Variants in SLC38A10 observed in about 807,000 individuals in gnomAD.
SLC38A10 encodes solute carrier family 38 member 10, also known as Sodium-coupled neutral amino acid transporter 10.
SLC38A10 carries 53 observed loss-of-function variants against 81.0 expected under a neutral mutation model. That is an observed-to-expected ratio of 0.65 (90% CI 0.53 to 0.82). SLC38A10 has a LOEUF of 0.82. SLC38A10 is among the 40% of genes least tolerant of loss of function. The pLI is 0.00. For missense variants in SLC38A10, 1,471 were observed against 1,545.0 expected (o/e 0.95, Z 0.80); for synonymous variants, 665 against 655.3 (o/e 1.01, Z -0.23).
At chr17:81,293,325 C>T (rs1490220676) in intron 1 of SLC38A10, among the ~76,000 whole-genome samples, 10 of 152,234 alleles carry the variant, frequency 6.6e-5, no homozygotes, top group Admixed American at 1.3e-4. Context: ...GGATTCTCCA[C>T]GCCCAGACCA....
At position 81,260,341 on chromosome 17, in the gene SLC38A10, C is replaced by T. The variant is rs2063010702; in HGVS notation, c.1185G>A (p.Leu395=). 1 of 1,610,492 alleles carries T rather than the reference C, an allele frequency of 6.2e-7. No homozygotes were observed. The highest frequency in any genetic ancestry group is 8.5e-7 in the Non-Finnish European group (1 of 1,179,056). The change falls in exon 11 of 16, where the codon CTG becomes CTA. Residue 395 remains leucine (L), a synonymous_variant. Transcript: ENST00000374759. ...GVLVVSTVTT[L]SVSEEVPEDL... ...CCTCGGGGACCTCCTCGCTCACAGA[C>T]AGTGTGGTGACAGTGCTCACCACCA... is the stretch of plus-strand genomic sequence containing the variant.
Position 81,246,625 on chromosome 17 carries a change from G to A in SLC38A10, c.2291C>T (p.Ala764Val), listed in dbSNP as rs755936311. 1.3e-6 allele frequency: 2 copies of A among 1,514,192 alleles called. No homozygotes were observed. The highest frequency in any genetic ancestry group is 1.8e-6 in the Non-Finnish European group (2 of 1,134,514). The allele number at this position is 1,514,192 out of a possible 1,614,324, so 93.8% of individuals were successfully genotyped here. A position where few individuals can be genotyped will look rare whatever the true frequency, so the allele number is the denominator to read the frequency against. ...PGAAVPRGQE[A>V]PEGKARETVE... ...CGTCTCCCTGGCCTTGCCTTCAGGG[G>A]CCTCCTGGCCTCTGGGCACCGCTGC... Residue 764 changes from alanine to valine, a missense_variant, in exon 16 of 16, where the codon GCC becomes GTC. By Grantham distance (64) the Ala-to-Val change is moderately conservative. Around this residue, in one of 2 missense-constraint regions of SLC38A10, gnomAD observed 751 missense variants for 717.4 expected, o/e 1.05. Transcript: ENST00000374759.
intron 8 of SLC38A10, among the ~76,000 whole-genome samples, chr17:81,273,285 C>T (rs184373965): frequency 6.6e-6 from 1 of 152,300 alleles, no homozygotes; most frequent in African/African-American, 2.4e-5. Context: ...GCCTCAGACG[C>T]CACCTGCCCC....
intron 10 of SLC38A10, chr17:81,263,842 AGT>A (rs1297348598): frequency 1.3e-5 from 2 of 152,448 alleles, no homozygotes; most frequent in African/African-American, 2.4e-5. Flanking sequence ...ACGTGCCAGG[AGT>A]GTGTGTGAGC....
intron 6 of SLC38A10, 25 bp downstream of exon 6, chr17:81,280,584 C>T: frequency 6.2e-7 from 1 of 1,612,270 alleles, no homozygotes; most frequent in Non-Finnish European, 8.5e-7. Flanking sequence ...CAGAACTCCA[C>T]CACAGACCAC....
At position 81,283,632 on chromosome 17, in the gene SLC38A10, G is replaced by T. The variant is rs201867608; in HGVS notation, c.264-130C>A. The stretch of plus-strand genomic sequence containing the variant: ...TTTCTTTTTTCTTTTTTTTTTTTTT[G>T]AAACAGAGTCTCACTCTGTCGCCCA... On this transcript the variant is annotated intron_variant, in intron 3 of 15. Coordinates refer to ENST00000374759, the MANE Select transcript of SLC38A10 (RefSeq NM_001037984.3). The surrounding 1 kb of genome is among the most constrained non-coding windows in gnomAD (Gnocchi z 4.7). 0.072 allele frequency: 36,406 copies of T among 503,148 alleles called. 640 individuals carry two copies. Among genetic ancestry groups the T allele is most frequent in the East Asian group, 0.11 (2,914 of 26,512 alleles). The allele number at this position is 503,148 out of a possible 1,614,324, so 31.2% of individuals were successfully genotyped here.
In SLC38A10 at chr17:81,253,176, T is replaced by C; in HGVS notation, c.1353A>G (p.Arg451=). 1 of 1,613,886 alleles carries C rather than the reference T, an allele frequency of 6.2e-7. No homozygotes were observed. Among genetic ancestry groups the C allele is most frequent in the Non-Finnish European group, 8.5e-7 (1 of 1,180,014 alleles). The part of the protein sequence containing the change: ...GREKPKLPKE[R]EELEQAQIKG... The stretch of plus-strand genomic sequence containing the variant: ...TGATCTGGGCCTGCTCCAGCTCCTC[T>C]CTCTCCTTCGGCAGCTTCGGCTTCT... The change falls in exon 12 of 16, where the codon AGA becomes AGG. Residue 451 remains arginine (R), a synonymous_variant. Transcript: ENST00000374759. This position sits in a 1 kb window ranked among gnomAD's most constrained non-coding sequence, Gnocchi z 4.1.
At chr17:81,293,856 A>C (rs1284116729) in intron 1 of SLC38A10, among the ~76,000 whole-genome samples, 1 of 152,242 alleles carries the variant, frequency 6.6e-6, no homozygotes, top group African/African-American at 2.4e-5. Context: ...TCTTTTCCAA[A>C]GCACTAAATG....
intron 14 of SLC38A10, among the ~76,000 whole-genome samples, chr17:81,250,438 G>A (rs944008502): frequency 6.6e-6 from 1 of 152,264 alleles, no homozygotes; most frequent in African/African-American, 2.4e-5. Flanking sequence ...AGGCCACAGG[G>A]CAAGATGCGC....
At position 81,277,519 on chromosome 17, in the gene SLC38A10, T is replaced by C. The variant is rs1358126228; in HGVS notation, c.627-386A>G. 3.3e-5 allele frequency among the ~76,000 whole-genome samples: 5 copies of C among 152,186 alleles called. No homozygotes were observed. Among genetic ancestry groups the C allele is most frequent in the Admixed American group, 3.3e-4 (5 of 15,282 alleles). On this transcript the variant is annotated intron_variant, in intron 6 of 15. Transcript: ENST00000374759. The surrounding 1 kb of genome is among the most constrained non-coding windows in gnomAD (Gnocchi z 4.5). ...AAAGTTAAACAAACACACCCTGGCCTGGGCGGCCGGCCCATCTCGGCGCCT... is the reference window on the plus strand; with the variant it reads ...AAAGTTAAACAAACACACCCTGGCCCGGGCGGCCGGCCCATCTCGGCGCCT...
chr17:81,283,440 G>A lies in SLC38A10; in HGVS notation c.326C>T (p.Ser109Phe). 6.2e-7 allele frequency: 1 copy of A among 1,612,440 alleles called. No homozygotes were observed. Residue 109 changes from serine (S) to phenylalanine (F), a missense_variant, in exon 4 of 16, where the codon TCC (serine) becomes TTC (phenylalanine). By Grantham distance (155) the Ser-to-Phe change is radical. This residue lies in a region of SLC38A10 where 720 missense variants were observed against 827.7 expected (regional missense o/e 0.87). Coordinates refer to ENST00000374759, the MANE Select transcript of SLC38A10 (RefSeq NM_001037984.3). The surrounding 1 kb of genome is among the most constrained non-coding windows in gnomAD (Gnocchi z 4.7). ...AFYVVIGDLG[S>F]NFFARLFGFQ... ...CCCGAACAGCCGGGCAAAGAAGTTGGACCCCAAGTCGCCGATCACGACGTA... is the reference window on the plus strand; with the variant it reads ...CCCGAACAGCCGGGCAAAGAAGTTGAACCCCAAGTCGCCGATCACGACGTA...
chr17:81,255,514 G>A (rs1044060877), intron 11 of SLC38A10, among the ~76,000 whole-genome samples: 10 of 152,220 alleles, frequency 6.6e-5, no homozygotes, highest in Non-Finnish European at 1.5e-4. Flanking sequence ...GCCAGCTCAC[G>A]ACTGAGCTCC....
intron 5 of SLC38A10, among the ~76,000 whole-genome samples, chr17:81,280,999 G>A (rs1253036748): frequency 1.3e-5 from 2 of 152,264 alleles, no homozygotes; most frequent in Admixed American, 6.5e-5. Flanking sequence ...CTCTTGCAAG[G>A]GGGCTGCTTG....
rs201271645 is a variant in SLC38A10, at chr17:81,284,833, G to A, written c.263+17C>T. The A allele has an allele frequency of 1.8e-4, 272 of 1,525,950 alleles. 1 individual carries two copies. In the East Asian group the frequency reaches 6.6e-3, roughly 37 times the overall value. The allele number at this position is 1,525,950 out of a possible 1,614,324, so 94.5% of individuals were successfully genotyped here. Reference sequence around the variant, plus strand: ...TGCGGGGGTGGGGGGCAAGCGCAGCGGCAGGGCGGGGCTTACCTGGTCTCC... The same window carrying A: ...TGCGGGGGTGGGGGGCAAGCGCAGCAGCAGGGCGGGGCTTACCTGGTCTCC... On this transcript the variant is annotated intron_variant, in intron 3 of 15. Transcript: ENST00000374759.
intron 14 of SLC38A10, among the ~76,000 whole-genome samples, chr17:81,250,449 G>A (rs1018299297): frequency 2.0e-5 from 3 of 152,210 alleles, no homozygotes; most frequent in Middle Eastern, 3.2e-3. Context: ...CAAGATGCGC[G>A]GGCAGGAAGC....
chr17:81,272,792 G>C (rs72850608), intron 8 of SLC38A10, among the ~76,000 whole-genome samples, 165 bp from the exon 9 acceptor site: 1,593 of 152,304 alleles, frequency 0.01, 10 homozygotes, highest in Non-Finnish European at 0.016. Flanking sequence ...AATCAGATCT[G>C]GCTGAGCAAC....
rs1385500572 is a variant in SLC38A10 at position 81,270,555 on chromosome 17, C to T, written c.1131+363G>A. 2.0e-5 allele frequency among the ~76,000 whole-genome samples: 3 copies of T among 150,254 alleles called. No individual in the cohort carries two copies. Among genetic ancestry groups the T allele is most frequent in the African/African-American group, 7.3e-5 (3 of 41,072 alleles). On this transcript the variant is annotated intron_variant, in intron 10 of 15. Transcript: ENST00000374759. This position sits in a 1 kb window ranked among gnomAD's most constrained non-coding sequence, Gnocchi z 4.0. The stretch of plus-strand genomic sequence containing the variant: ...CGTGGGAGGGTCGCACCAGGAACAA[C>T]GGTGGGTGGTGGCCTCAGGGGTGGG...
intron 2 of SLC38A10, 196 bp from the exon 3 acceptor site, chr17:81,285,091 C>G (rs2063251690): frequency 2.1e-6 from 1 of 470,026 alleles, no homozygotes; most frequent in Admixed American, 4.2e-5. Flanking sequence ...CTACAAGAAA[C>G]AAAGACAGAG....
intron 1 of SLC38A10, among the ~76,000 whole-genome samples, chr17:81,292,330 T>C (rs1416788205): frequency 6.6e-6 from 1 of 152,096 alleles, no homozygotes; most frequent in Non-Finnish European, 1.5e-5. Flanking sequence ...TTTTATCATC[T>C]TGGCCAGGCT....
Sources: gnomAD v4.1 joint callset for allele counts (sites outside exome capture counted in the v4.1 genomes callset) on GRCh38, gnomAD v4.1.1 for gene constraint, gnomAD v4.1.1 regional missense constraint, Gnocchi (gnomAD v3.1) non-coding constraint, MANE v1.5 for transcripts, NCBI Gene and HGNC (gene_info 2026-07-23, HGNC 2026-07-21) for gene names.